Variants in ZRANB1 observed in about 807,000 individuals in gnomAD.
The protein encoded by ZRANB1 is ubiquitin thioesterase ZRANB1.
ZRANB1 carries 16 observed loss-of-function variants against 80.5 expected under a neutral mutation model. That is an observed-to-expected ratio of 0.20 (90% CI 0.13 to 0.30). The LOEUF (loss-of-function observed/expected upper bound fraction) is 0.30, where lower values mean the gene tolerates loss of function less well. Among genes scored for constraint, ZRANB1 ranks in the 10% least tolerant of loss-of-function variants. The pLI is 1.00. For missense variants in ZRANB1, 576 were observed against 862.6 expected, an observed-to-expected ratio of 0.67 and a Z score of 4.16; for synonymous variants, 291 against 293.1, an observed-to-expected ratio of 0.99 and a Z score of 0.07.
chr10:124,983,744 C>A lies in ZRANB1; in HGVS notation c.1908+56C>A. 1 of 1,355,500 alleles carries A rather than the reference C, an allele frequency of 7.4e-7. No individual in the cohort carries two copies. Among genetic ancestry groups the A allele is most frequent in the Non-Finnish European group, 1.0e-6 (1 of 983,402 alleles). 84.0% of individuals were successfully genotyped at this position (1,355,500 alleles called of 1,614,324 possible). A position where few individuals can be genotyped will look rare whatever the true frequency, so the allele number is the denominator to read the frequency against. On this transcript the variant is annotated intron_variant, in intron 8 of 8. Coordinates refer to ENST00000359653, the MANE Select transcript of ZRANB1 (RefSeq NM_017580.3). The surrounding 1 kb of genome is among the most constrained non-coding windows in gnomAD (Gnocchi z 6.2). ...GTAGTGACCTTGTACCAGAAACAGC[C>A]TGAAGTGCCTTTCAGGTGTGGTTTT...
rs1289715267 is a variant in ZRANB1, at chr10:124,942,972, A to T, written c.479A>T (p.Tyr160Phe). ...CACTGGACTTGCTCTGTTTGCACAT[A>T]TGAAAACTGGGCCAAGGCTAAAAGA... ...TQHWTCSVCT[Y>F]ENWAKAKRCV... Residue 160 changes from tyrosine to phenylalanine, a missense_variant, in exon 1 of 9, where the codon TAT (tyrosine) becomes TTT (phenylalanine). Transcript: ENST00000359653. 1.2e-6 allele frequency: 2 copies of T among 1,614,262 alleles called. No individual in the cohort carries two copies. Among genetic ancestry groups the T allele is most frequent in the East Asian group, 2.2e-5 (1 of 44,888 alleles).
At chr10:124,927,666 T>G in the ZRANB1 span, among the ~76,000 whole-genome samples, 3 of 152,354 alleles carry the variant, frequency 2.0e-5, no homozygotes, top group South Asian at 6.2e-4. Flanking sequence ...AATGAGTTTT[T>G]CACAGTTCAG....
intron 5 of ZRANB1, among the ~76,000 whole-genome samples, chr10:124,979,390 T>A (rs551397089): frequency 6.6e-6 from 1 of 152,372 alleles, no homozygotes; most frequent in East Asian, 1.9e-4. Flanking sequence ...TGTCTTAATA[T>A]TGATTTGCAG....
At chr10:124,938,205 T>A (rs191098652), upstream of ZRANB1, among the ~76,000 whole-genome samples, 4 of 152,246 alleles carry the variant, frequency 2.6e-5, no homozygotes, top group African/African-American at 9.6e-5. Context: ...CTGGAAAAAG[T>A]GTACTCTGTT....
chr10:124,949,360 AGG>A (rs933650867), intron 1 of ZRANB1, among the ~76,000 whole-genome samples: 1 of 151,838 alleles, frequency 6.6e-6, no homozygotes, highest in African/African-American at 2.4e-5. Flanking sequence ...TTGAAGGTAT[AGG>A]GGGAAAAAAA....
chr10:124,966,850 AT>A, intron 2 of ZRANB1, 69 bp downstream of exon 2: 1 of 1,407,030 alleles, frequency 7.1e-7, no homozygotes, highest in Non-Finnish European at 9.7e-7. Context: ...TTCATTTTTG[AT>A]TTTATAATGT....
At chr10:124,954,116 C>T (rs1259080133) in intron 1 of ZRANB1, among the ~76,000 whole-genome samples, 1 of 148,958 alleles carries the variant, frequency 6.7e-6, no homozygotes, top group Admixed American at 6.7e-5. Flanking sequence ...CAGAATAGTG[C>T]ACCACCATCC....
intron 1 of ZRANB1, among the ~76,000 whole-genome samples, chr10:124,963,550 G>GTTTTTT (rs1564962032): frequency 1.3e-5 from 1 of 75,158 alleles, no homozygotes; most frequent in Non-Finnish European, 2.6e-5. Flanking sequence ...TTTTTTTTTT[G>GTTTTTT]TTTGTTTTTT....
At chr10:124,963,860 G>T (rs1951756866) in intron 1 of ZRANB1, among the ~76,000 whole-genome samples, 1 of 152,066 alleles carries the variant, frequency 6.6e-6, no homozygotes, top group Non-Finnish European at 1.5e-5. Context: ...TTAATGAAAA[G>T]AATGAAATTA....
intron 1 of ZRANB1, among the ~76,000 whole-genome samples, chr10:124,961,118 C>T (rs1368712490): frequency 6.6e-6 from 1 of 152,064 alleles, no homozygotes; most frequent in Non-Finnish European, 1.5e-5. Context: ...TCTCCTGCCT[C>T]AGCCTCCCGA....
At chr10:124,969,821 TC>T (rs1951806708) in intron 2 of ZRANB1, among the ~76,000 whole-genome samples, 1 of 152,114 alleles carries the variant, frequency 6.6e-6, no homozygotes, top group East Asian at 1.9e-4. Flanking sequence ...AGTTAAGAAC[TC>T]CCAGCCTACG....
At chr10:124,970,005 G>A (rs190254696) in intron 2 of ZRANB1, among the ~76,000 whole-genome samples, 5 of 152,290 alleles carry the variant, frequency 3.3e-5, no homozygotes, top group African/African-American at 1.2e-4. Flanking sequence ...GGTCTTTCCA[G>A]GTTTTTGGAA....
In ZRANB1 at chr10:124,943,100, T is replaced by C. The variant is rs1589838839; in HGVS notation, c.607T>C (p.Trp203Arg). The change falls in exon 1 of 9, where the codon TGG becomes CGG. Residue 203 changes from tryptophan to arginine, a missense_variant. By Grantham distance (101) the Trp-to-Arg change is moderately radical. Around this residue, in one of 3 missense-constraint regions of ZRANB1, gnomAD observed 411 missense variants for 583.1 expected, o/e 0.70. Coordinates refer to ENST00000359653, the MANE Select transcript of ZRANB1 (RefSeq NM_017580.3). ...AATAAATGAGCAAGACAGAGCTCGA[T>C]GGAGGGGAAGTTGCAGTAGTGGTAA... ...SIINEQDRAR[W>R]RGSCSSGNSQ... 1.9e-6 allele frequency: 3 copies of C among 1,614,080 alleles called. No homozygotes were observed. In the South Asian group the frequency reaches 3.3e-5, roughly 18 times the overall value.
Position 124,974,313 on chromosome 10 carries a change from G to A in ZRANB1, c.1342G>A (p.Val448Ile), listed in dbSNP as rs1196585525. The change falls in exon 5 of 9, where the codon GTT becomes ATT. Residue 448 changes from valine (V) to isoleucine (I), a missense_variant. Transcript: ENST00000359653. The part of the protein sequence containing the change: ...RTAGDCLLDS[V>I]LQATWGIYDK... ...TGCAGGAGACTGCCTACTTGATTCA[G>A]TTCTACAAGCTACCTGGGGCATCTA... is the stretch of plus-strand genomic sequence containing the variant. 6.2e-7 allele frequency: 1 copy of A among 1,614,262 alleles called. No individual in the cohort carries two copies.
intron 1 of ZRANB1, among the ~76,000 whole-genome samples, chr10:124,955,086 G>A (rs1177174189): frequency 1.3e-5 from 2 of 151,536 alleles, no homozygotes; most frequent in African/African-American, 2.4e-5. Context: ...CCGAGATTGC[G>A]CCACTGCACT....
At chr10:124,981,069 G>C (rs1317448299) in intron 5 of ZRANB1, among the ~76,000 whole-genome samples, 1 of 152,192 alleles carries the variant, frequency 6.6e-6, no homozygotes, top group East Asian at 1.9e-4. Context: ...GTTTTTATAA[G>C]ACAGTGAACC....
chr10:124,970,298 T>A (rs1951811655), intron 2 of ZRANB1, among the ~76,000 whole-genome samples: 1 of 152,156 alleles, frequency 6.6e-6, no homozygotes, highest in African/African-American at 2.4e-5. Flanking sequence ...AGACAGACTT[T>A]CTCTCTGTTG....
intron 1 of ZRANB1, among the ~76,000 whole-genome samples, chr10:124,946,789 G>A (rs752792807): frequency 6.6e-6 from 1 of 152,058 alleles, no homozygotes; most frequent in Non-Finnish European, 1.5e-5. Context: ...TTAAAAAAAG[G>A]CTTGAGCAGT....
the ZRANB1 span, among the ~76,000 whole-genome samples, chr10:124,919,908 G>GCCCCC: frequency 6.2e-4 from 35 of 56,680 alleles, no homozygotes; most frequent in East Asian, 7.7e-4. Context: ...ACCGCGCCCG[G>GCCCCC]CCCCCCCCCC....
Sources: allele counts gnomAD v4.1 joint callset (sites outside exome capture counted in the v4.1 genomes callset), GRCh38; gene constraint gnomAD v4.1.1; regional missense constraint gnomAD v4.1.1; non-coding constraint Gnocchi (gnomAD v3.1); transcripts MANE v1.5; gene names NCBI Gene and HGNC (gene_info 2026-07-23, HGNC 2026-07-21).